Variants in GOLM1 observed in about 807,000 individuals in gnomAD.
GOLM1 encodes the protein golgi membrane protein 1, also known as epididymis luminal protein 46.
Under a neutral mutation model 50.5 loss-of-function variants are expected in GOLM1, and 31 were observed. That is an observed-to-expected ratio of 0.61 (90% CI 0.46 to 0.83). The LOEUF is 0.83. Among genes scored for constraint, GOLM1 ranks in the 40% least tolerant of loss-of-function variants. The probability of loss-of-function intolerance (pLI) is 0.00; values close to 1 mark genes in which losing one functional copy is unlikely to be tolerated. For missense variants in GOLM1, 491 were observed against 501.3 expected (o/e 0.98, Z 0.20); for synonymous variants, 178 against 192.8 (o/e 0.92, Z 0.64).
At chr9:86,096,917 C>T (rs1437702449) in intron 1 of GOLM1, among the ~76,000 whole-genome samples, 1 of 152,094 alleles carries the variant, frequency 6.6e-6, no homozygotes, top group Admixed American at 6.6e-5. Flanking sequence ...ATATAAACAA[C>T]TATAATCATA....
chr9:86,054,895 T>A (rs557209286), intron 3 of GOLM1, among the ~76,000 whole-genome samples: 1 of 152,346 alleles, frequency 6.6e-6, no homozygotes, highest in South Asian at 2.1e-4. Flanking sequence ...TCTTACTGTG[T>A]CATCATCCAC....
chr9:86,053,677 C>CCA (rs1833885806), intron 3 of GOLM1, among the ~76,000 whole-genome samples: 4 of 148,034 alleles, frequency 2.7e-5, no homozygotes, highest in Admixed American at 6.7e-5. Flanking sequence ...ACACGGCACA[C>CCA]CACTCCACAC....
intron 1 of GOLM1, among the ~76,000 whole-genome samples, chr9:86,096,097 A>G (rs1835348362): frequency 6.6e-6 from 1 of 152,128 alleles, no homozygotes; most frequent in African/African-American, 2.4e-5. Context: ...ATGAGACTTT[A>G]AATATGTAAA....
chr9:86,039,990 A>T (rs1172686759), intron 6 of GOLM1, among the ~76,000 whole-genome samples: 1 of 151,428 alleles, frequency 6.6e-6, no homozygotes, highest in Non-Finnish European at 1.5e-5. Flanking sequence ...AAAAAGTCAG[A>T]CACAAAAGGC....
chr9:86,040,914 GTC>G lies in GOLM1; in HGVS notation c.468-48_468-47del, dbSNP rs1236192192. The G allele has an allele frequency of 1.9e-6, 3 of 1,593,636 alleles. No homozygotes were observed. The African/African-American group carries it at 4.0e-5, about 21-fold the overall frequency. ...GGAAGGGCCTGACGTCTATGACTGT[GTC>G]TCTGCTGGACGGTGACATCCACTTC... On this transcript the variant is annotated intron_variant, in intron 5 of 9. Coordinates refer to ENST00000388712, the MANE Select transcript of GOLM1 (RefSeq NM_016548.4).
intron 6 of GOLM1, among the ~76,000 whole-genome samples, chr9:86,039,476 G>T (rs1833259136): frequency 6.6e-6 from 1 of 152,120 alleles, no homozygotes; most frequent in Non-Finnish European, 1.5e-5. Context: ...GAAAACATAT[G>T]ACCACACAAA....
At chr9:86,092,988 C>T (rs1835233229) in intron 1 of GOLM1, among the ~76,000 whole-genome samples, 1 of 152,172 alleles carries the variant, frequency 6.6e-6, no homozygotes, top group African/African-American at 2.4e-5. Flanking sequence ...TTATAAGCTT[C>T]CAACATACTG....
chr9:86,060,575 G>T (rs1834122934), intron 3 of GOLM1, among the ~76,000 whole-genome samples: 1 of 152,032 alleles, frequency 6.6e-6, no homozygotes, highest in African/African-American at 2.4e-5. Flanking sequence ...TATGTTTTGT[G>T]GGTTAAGAAG....
chr9:86,053,737 C>CA, intron 3 of GOLM1, among the ~76,000 whole-genome samples: 1 of 7,616 alleles, frequency 1.3e-4, no homozygotes, highest in Non-Finnish European at 1.0e-3. Flanking sequence ...CTCCACTCCA[C>CA]ACACACCACA....
rs780942711 is a variant in GOLM1, at chr9:86,026,603, C to G, written c.*1214G>C. ...ATCTCAAATCCTGTGGATCCTCCTA[C>G]TTACCCCTTAGAGAGCCTTACTGGG... On this transcript the variant is annotated 3_prime_UTR_variant, in exon 10 of 10. Transcript: ENST00000388712. 1.0e-6 allele frequency: 1 copy of G among 979,688 alleles called. No homozygotes were observed. Among genetic ancestry groups the G allele is most frequent in the Non-Finnish European group, 1.2e-6 (1 of 824,760 alleles). 60.7% of individuals were successfully genotyped at this position (979,688 alleles called of 1,614,324 possible).
At chr9:86,060,661 C>T (rs1453840815) in intron 3 of GOLM1, among the ~76,000 whole-genome samples, 1 of 151,802 alleles carries the variant, frequency 6.6e-6, no homozygotes, top group Non-Finnish European at 1.5e-5. Flanking sequence ...GCGGGTGGAT[C>T]ACCTGAGGTC....
chr9:86,062,744 T>TG (rs958732241), intron 3 of GOLM1, among the ~76,000 whole-genome samples: 1 of 151,892 alleles, frequency 6.6e-6, no homozygotes, highest in Non-Finnish European at 1.5e-5. Context: ...GGGCTGCCCT[T>TG]GCCTCTGAGA....
chr9:86,057,396 C>G (rs1834023897), intron 3 of GOLM1, among the ~76,000 whole-genome samples: 1 of 152,012 alleles, frequency 6.6e-6, no homozygotes, highest in African/African-American at 2.4e-5. Flanking sequence ...ATGCTGATCA[C>G]ACTGTAAAAA....
In GOLM1 at chr9:86,060,876, C is replaced by CAAAAAAAAAAAAAAAAAAAA. The variant is rs753183065; in HGVS notation, c.310-8305_310-8286dup. The stretch of plus-strand genomic sequence containing the variant: ...CTGGGCAACAAGAGCGAAACTCTCT[C>CAAAAAAAAAAAAAAAAAAAA]AAAAAAAAAAAAAAAAAAAAAAAAA... On this transcript the variant is annotated intron_variant, in intron 3 of 9. Transcript: ENST00000388712. Among the ~76,000 whole-genome samples the CAAAAAAAAAAAAAAAAAAAA allele has an allele frequency of 5.0e-4, 10 of 19,910 alleles. 3 individuals are homozygous for CAAAAAAAAAAAAAAAAAAAA. Among genetic ancestry groups the CAAAAAAAAAAAAAAAAAAAA allele is most frequent in the Non-Finnish European group, 1.0e-3 (8 of 8,024 alleles). The allele number at this position is 19,910 out of a possible 152,430, so 13.1% of individuals were successfully genotyped here. A position where few individuals can be genotyped will look rare whatever the true frequency, so the allele number is the denominator to read the frequency against.
rs1397463453 is a variant in GOLM1, at chr9:86,026,416, CAG to C, written c.*1399_*1400del. 2.0e-6 allele frequency: 2 copies of C among 985,218 alleles called. No individual in the cohort carries two copies. The highest frequency in any genetic ancestry group is 1.2e-6 in the Non-Finnish European group (1 of 829,896). 61.0% of individuals were successfully genotyped at this position (985,218 alleles called of 1,614,324 possible). ...TGGAGGTGGCAACGTGAATTGCAAA[CAG>C]GGCCTGCTTCAGTGACTGTGTGCCT... is the stretch of plus-strand genomic sequence containing the variant. On this transcript the variant is annotated 3_prime_UTR_variant, in exon 10 of 10. Transcript: ENST00000388712.
rs200898123 is a variant in GOLM1, at chr9:86,082,273, G to A, written c.-21-2932C>T. ...GATCTCCTGACCTTGTGATCCGCCC[G>A]CCTCGGCCTCCCAAAGTGCTGGGAT... is the stretch of plus-strand genomic sequence containing the variant. On this transcript the variant is annotated intron_variant, in intron 1 of 9. Transcript: ENST00000388712. Among the ~76,000 whole-genome samples, 40 of 150,900 alleles carry A rather than the reference G, an allele frequency of 2.7e-4. No homozygotes were observed. In the South Asian group the frequency reaches 7.2e-3, roughly 27 times the overall value.
chr9:86,063,804 T>A (rs1311337963), intron 3 of GOLM1, among the ~76,000 whole-genome samples: 1 of 152,280 alleles, frequency 6.6e-6, no homozygotes, highest in South Asian at 2.1e-4. Context: ...ACGCCAACGC[T>A]CTTTCTAGTG....
chr9:86,077,635 AG>A, intron 2 of GOLM1, 44 bp from the exon 3 acceptor site: 1 of 1,477,562 alleles, frequency 6.8e-7, no homozygotes, highest in East Asian at 2.3e-5. Context: ...AAGTTACCTG[AG>A]GAGCCTGGAC....
Position 86,033,304 on chromosome 9 carries a change from T to A in GOLM1, c.1107A>T (p.Ala369=), listed in dbSNP as rs1302348994. ...TACCATCTATGTTTCTGTCATTCCC[T>A]GCCAGGGCTGCTTGCTTGTCTGTCT... ...ESETDKQAAL[A]GNDRNIDVFN... is the part of the protein sequence containing the mutation. Residue 369 remains alanine, a synonymous_variant, in exon 9 of 10, where the codon GCA becomes GCT. Transcript: ENST00000388712. 2 of 1,608,020 alleles carry A rather than the reference T, an allele frequency of 1.2e-6. No homozygotes were observed. Among genetic ancestry groups the A allele is most frequent in the South Asian group, 1.1e-5 (1 of 90,958 alleles).
Sources: gnomAD v4.1 joint callset for allele counts (sites outside exome capture counted in the v4.1 genomes callset) on GRCh38, gnomAD v4.1.1 for gene constraint, MANE v1.5 for transcripts, NCBI Gene and HGNC (gene_info 2026-07-23, HGNC 2026-07-21) for gene names.